Variants in RILPL1 observed in about 807,000 individuals in gnomAD.
RILPL1 encodes the protein Rab interacting lysosomal protein like 1.
Under a neutral mutation model 50.3 loss-of-function variants are expected in RILPL1, and 33 were observed. That is an observed-to-expected ratio of 0.66 (90% CI 0.50 to 0.88). RILPL1 has a LOEUF of 0.88. Ranked by LOEUF, RILPL1 falls within the 40% of genes least tolerant of loss-of-function variation. The pLI is 0.00. For synonymous variants in RILPL1, 205 were observed against 228.6 expected (o/e 0.90, Z 0.93); for missense variants, 418 against 542.5 (o/e 0.77, Z 2.28).
chr12:123,496,826 G>A (rs962637530), intron 4 of RILPL1, among the ~76,000 whole-genome samples: 1 of 152,190 alleles, frequency 6.6e-6, no homozygotes, highest in Non-Finnish European at 1.5e-5. Context: ...CAGCTGTGAT[G>A]GACAGCTCTG....
At chr12:123,524,961 A>G (rs1885198989) in intron 1 of RILPL1, among the ~76,000 whole-genome samples, 3 of 152,008 alleles carry the variant, frequency 2.0e-5, no homozygotes, top group Non-Finnish European at 2.9e-5. Flanking sequence ...GCGAAACCCC[A>G]TCTCTACTAA....
At chr12:123,497,097 C>G (rs573747541) in intron 4 of RILPL1, among the ~76,000 whole-genome samples, 34 of 152,310 alleles carry the variant, frequency 2.2e-4, no homozygotes, top group African/African-American at 8.2e-4. Flanking sequence ...TGCAGCTCAT[C>G]CGTGCTGCCG....
At chr12:123,478,626 A>G (rs1460028803) in intron 6 of RILPL1, among the ~76,000 whole-genome samples, 1 of 151,822 alleles carries the variant, frequency 6.6e-6, no homozygotes, top group Non-Finnish European at 1.5e-5. Context: ...TGTCATTGCT[A>G]CCCCTGGACA....
intron 2 of RILPL1, among the ~76,000 whole-genome samples, chr12:123,507,897 C>T (rs1354121310): frequency 2.1e-5 from 3 of 141,746 alleles, no homozygotes; most frequent in African/African-American, 5.3e-5. Context: ...GCTGAGATCA[C>T]GCCACTGCAC....
At chr12:123,512,953 CGTGTGTGTGTGGTGTGTGTGAGGTCT>C (rs1884454291) in intron 2 of RILPL1, among the ~76,000 whole-genome samples, 1 of 37,002 alleles carries the variant, frequency 2.7e-5, no homozygotes, top group East Asian at 9.4e-4. Flanking sequence ...GTGTGAGGTC[CGTGTGTGTGTGGTGTGTGTGAGGTCT>C]GTGTGTGGTA....
At chr12:123,511,258 CTG>C (rs1276674928) in intron 2 of RILPL1, among the ~76,000 whole-genome samples, 14 of 62,146 alleles carry the variant, frequency 2.3e-4, no homozygotes, top group East Asian at 4.6e-4. Context: ...TGTGTGAGGT[CTG>C]TGTGTGTGTG....
At chr12:123,519,056 C>CAAAAAAAAA (rs71652717) in intron 2 of RILPL1, among the ~76,000 whole-genome samples, 4 of 58,442 alleles carry the variant, frequency 6.8e-5, no homozygotes, top group African/African-American at 1.4e-4. Context: ...GACTCCATCT[C>CAAAAAAAAA]AAAAAAAAAA....
In RILPL1 at chr12:123,489,177, A is replaced by G. The variant is rs34529197; in HGVS notation, c.802-3372T>C. Among the ~76,000 whole-genome samples, 2,643 of 152,332 alleles carry G rather than the reference A, an allele frequency of 0.017. 35 individuals carry two copies. Among genetic ancestry groups the G allele is most frequent in the South Asian group, 0.033 (157 of 4,826 alleles). On this transcript the variant is annotated intron_variant, in intron 4 of 6. Coordinates refer to ENST00000376874, the MANE Select transcript of RILPL1 (RefSeq NM_178314.5). This position sits in a 1 kb window ranked among gnomAD's most constrained non-coding sequence, Gnocchi z 4.0. ...TTGTGCCTTGCTGGCCGTGGAGCTC[A>G]GCCCTGGGAACAGAGTCAGACAGAT...
chr12:123,527,808 C>T (rs2139391757), intron 1 of RILPL1, among the ~76,000 whole-genome samples: 1 of 152,212 alleles, frequency 6.6e-6, no homozygotes. Context: ...AGCTACGCTG[C>T]TGGCTTTGAA....
chr12:123,521,072 TA>T (rs1884983776), intron 2 of RILPL1, among the ~76,000 whole-genome samples: 1 of 152,218 alleles, frequency 6.6e-6, no homozygotes, highest in Non-Finnish European at 1.5e-5. Context: ...TCTCTCAGTC[TA>T]AACTTTTCTC....
chr12:123,518,961 G>A (rs1884865249), intron 2 of RILPL1, among the ~76,000 whole-genome samples: 1 of 150,256 alleles, frequency 6.7e-6, no homozygotes, highest in African/African-American at 2.5e-5. Flanking sequence ...GGAGGCTGAG[G>A]CAGGAGAATC....
Position 123,523,606 on chromosome 12 carries a change from G to A in RILPL1, c.349C>T (p.Gln117Ter), listed in dbSNP as rs1260035459. 1 of 1,613,798 alleles carries A rather than the reference G, an allele frequency of 6.2e-7. No individual in the cohort carries two copies. The highest frequency in any genetic ancestry group is 8.5e-7 in the Non-Finnish European group (1 of 1,179,886). ...LVEDVWRGEA[Q>*]DLLSQIAQLQ... is the part of the protein sequence containing the mutation. ...TGGGCGATCTGGGAGAGGAGGTCCTGCGCCTCCCCTCGCCACACATCCTCC... is the reference window on the plus strand; with the variant it reads ...TGGGCGATCTGGGAGAGGAGGTCCTACGCCTCCCCTCGCCACACATCCTCC... Residue 117 changes from glutamine to a stop codon, truncating the protein, a stop_gained, in exon 2 of 7, where the codon CAG becomes TAG. Coordinates refer to ENST00000376874, the MANE Select transcript of RILPL1 (RefSeq NM_178314.5). LOFTEE classifies it high-confidence loss of function.
In RILPL1 at chr12:123,498,986, T is replaced by C. The variant is rs1022564039; in HGVS notation, c.580-221A>G. 6.6e-6 allele frequency among the ~76,000 whole-genome samples: 1 copy of C among 152,212 alleles called. No homozygotes were observed. Among genetic ancestry groups the C allele is most frequent in the Non-Finnish European group, 1.5e-5 (1 of 68,034 alleles). ...TGGAAGGGTGTCTTGCTAGAATTAA[T>C]ACATTATGAAAATTTCCCAACAAAT... On this transcript the variant is annotated intron_variant, in intron 3 of 6. Coordinates refer to ENST00000376874, the MANE Select transcript of RILPL1 (RefSeq NM_178314.5). The surrounding 1 kb of genome is among the most constrained non-coding windows in gnomAD (Gnocchi z 4.3).
At chr12:123,524,630 C>T (rs1216991815) in intron 1 of RILPL1, among the ~76,000 whole-genome samples, 1 of 152,178 alleles carries the variant, frequency 6.6e-6, no homozygotes, top group African/African-American at 2.4e-5. Context: ...TATGCTACAA[C>T]ATAGGTGGAC....
intron 2 of RILPL1, among the ~76,000 whole-genome samples, chr12:123,503,044 C>T (rs551466041): frequency 2.6e-5 from 4 of 151,940 alleles, no homozygotes; most frequent in South Asian, 2.1e-4. Flanking sequence ...CCCGCCACCA[C>T]GCTCGGCTAA....
chr12:123,530,657 T>C (rs1885413434), intron 1 of RILPL1, among the ~76,000 whole-genome samples: 1 of 152,238 alleles, frequency 6.6e-6, no homozygotes, highest in South Asian at 2.1e-4. Context: ...AGTGAATGAA[T>C]AGCATAGTCT....
intron 2 of RILPL1, among the ~76,000 whole-genome samples, chr12:123,511,708 C>CTG (rs754039571): frequency 1.6e-5 from 1 of 63,060 alleles, no homozygotes; most frequent in African/African-American, 6.8e-5. Context: ...GGTGTGAGAT[C>CTG]TGTGTGTGTG....
chr12:123,471,217 T>G lies in RILPL1; in HGVS notation c.*1321A>C, dbSNP rs1428122430. 1 of 152,094 alleles carries G rather than the reference T, an allele frequency of 6.6e-6. No individual in the cohort carries two copies. The highest frequency in any genetic ancestry group is 1.5e-5 in the Non-Finnish European group (1 of 68,044). 9.4% of individuals were successfully genotyped at this position (152,094 alleles called of 1,614,324 possible). A position where few individuals can be genotyped will look rare whatever the true frequency, so the allele number is the denominator to read the frequency against. ...TCCTGAGCAGCTGGGATTATAGGCA[T>G]GCACCACCTCGCCTGGCTAATTTTT... is the stretch of plus-strand genomic sequence containing the variant. On this transcript the variant is annotated 3_prime_UTR_variant, in exon 7 of 7. Transcript: ENST00000376874.
rs1181527522 is a variant in RILPL1 at position 123,498,854 on chromosome 12, G to A, written c.580-89C>T. ...ACAACGGCAAACCATCCATAGGTGT[G>A]CCATTTACATTGCAGACATCTTTGT... On this transcript the variant is annotated intron_variant, in intron 3 of 6. Transcript: ENST00000376874. The surrounding 1 kb of genome is among the most constrained non-coding windows in gnomAD (Gnocchi z 4.3). 8.2e-5 allele frequency: 99 copies of A among 1,213,898 alleles called. No individual in the cohort carries two copies. The South Asian group carries it at 1.2e-3, about 15-fold the overall frequency. 75.2% of individuals were successfully genotyped at this position (1,213,898 alleles called of 1,614,324 possible).
Sources: gnomAD v4.1 joint callset for allele counts (sites outside exome capture counted in the v4.1 genomes callset) on GRCh38, gnomAD v4.1.1 for gene constraint, Gnocchi (gnomAD v3.1) non-coding constraint, MANE v1.5 for transcripts, NCBI Gene and HGNC (gene_info 2026-07-23, HGNC 2026-07-21) for gene names.